The following DRC11 variants were observed in gnomAD, a reference collection of about 807,000 sequenced individuals.
DRC11 encodes dynein regulatory complex subunit 11, also known as IQ and AAA domain-containing protein 1.
At chr2:236,459,595 GTATACATA>G in the DRC11 span, among the ~76,000 whole-genome samples, 1 of 108,834 alleles carries the variant, frequency 9.2e-6, no homozygotes, top group Non-Finnish European at 2.1e-5. Context: ...ATACGTATAC[GTATACATA>G]TATACGTATA....
chr2:236,384,877 A>G, the DRC11 span, among the ~76,000 whole-genome samples: 17 of 151,990 alleles, frequency 1.1e-4, no homozygotes, highest in East Asian at 2.9e-3. Context: ...CTTTCTACAT[A>G]TGGCTAGCCA....
At chr2:236,416,721 TTATATA>T in the DRC11 span, among the ~76,000 whole-genome samples, 1,861 of 63,568 alleles carry the variant, frequency 0.029, 23 homozygotes, top group East Asian at 0.052. Flanking sequence ...ATATATATAT[TTATATA>T]TATATATATA....
the DRC11 span, among the ~76,000 whole-genome samples, chr2:236,417,413 A>G: frequency 6.6e-6 from 1 of 152,144 alleles, no homozygotes; most frequent in Non-Finnish European, 1.5e-5. Flanking sequence ...TGTGCTGGTC[A>G]GAACATCCTT....
the DRC11 span, among the ~76,000 whole-genome samples, chr2:236,446,323 G>A: frequency 1.3e-5 from 2 of 152,094 alleles, no homozygotes. This position sits in a 1 kb window ranked among gnomAD's most constrained non-coding sequence, Gnocchi z 6.2. Flanking sequence ...TCACAGACCA[G>A]TGAATGGAAA....
chr2:236,328,969 T>C, the DRC11 span, among the ~76,000 whole-genome samples: 1 of 152,248 alleles, frequency 6.6e-6, no homozygotes, highest in Non-Finnish European at 1.5e-5. The surrounding 1 kb of genome is among the most constrained non-coding windows in gnomAD (Gnocchi z 6.7). Context: ...GCTGCAGTGC[T>C]GTGTCCCTTT....
chr2:236,423,088 C>T, the DRC11 span, among the ~76,000 whole-genome samples: 3 of 150,952 alleles, frequency 2.0e-5, no homozygotes, highest in African/African-American at 4.9e-5. Flanking sequence ...GACCTAAAAC[C>T]ATAAAAACCC....
the DRC11 span, among the ~76,000 whole-genome samples, chr2:236,484,124 C>G: frequency 6.6e-6 from 1 of 152,130 alleles, no homozygotes; most frequent in East Asian, 1.9e-4. Context: ...ATTTGTTTTA[C>G]TTCTTATGTT....
the DRC11 span, among the ~76,000 whole-genome samples, chr2:236,475,108 C>T: frequency 4.6e-5 from 7 of 152,198 alleles, no homozygotes; most frequent in East Asian, 1.3e-3. The surrounding 1 kb of genome is among the most constrained non-coding windows in gnomAD (Gnocchi z 4.8). Flanking sequence ...ACCCATTAAT[C>T]AATCTCTCTT....
At chr2:236,416,451 C>A in the DRC11 span, among the ~76,000 whole-genome samples, 1 of 151,640 alleles carries the variant, frequency 6.6e-6, no homozygotes, top group Non-Finnish European at 1.5e-5. Context: ...ATCCAAGGGG[C>A]CCAACTCAGC....
the DRC11 span, among the ~76,000 whole-genome samples, chr2:236,490,198 C>T: frequency 6.6e-6 from 1 of 152,192 alleles, no homozygotes; most frequent in Admixed American, 6.5e-5. This position sits in a 1 kb window ranked among gnomAD's most constrained non-coding sequence, Gnocchi z 5.5. Flanking sequence ...TTTTTTTATG[C>T]ATGCTCATCA....
At chr2:236,469,018 T>A in the DRC11 span, among the ~76,000 whole-genome samples, 3 of 152,306 alleles carry the variant, frequency 2.0e-5, no homozygotes, top group South Asian at 6.2e-4. This position sits in a 1 kb window ranked among gnomAD's most constrained non-coding sequence, Gnocchi z 5.8. Flanking sequence ...GACTTTGATT[T>A]GTGTCTTGTC....
the DRC11 span, among the ~76,000 whole-genome samples, chr2:236,448,688 C>T: frequency 6.6e-6 from 1 of 151,896 alleles, no homozygotes; most frequent in Non-Finnish European, 1.5e-5. This position sits in a 1 kb window ranked among gnomAD's most constrained non-coding sequence, Gnocchi z 5.3. Flanking sequence ...AGGAGGAGGC[C>T]TCCGGAGGGC....
At chr2:236,494,859 G>A in the DRC11 span, among the ~76,000 whole-genome samples, 6 of 152,230 alleles carry the variant, frequency 3.9e-5, no homozygotes, top group Admixed American at 3.3e-4. This position sits in a 1 kb window ranked among gnomAD's most constrained non-coding sequence, Gnocchi z 4.2. Flanking sequence ...GGGGTGACGG[G>A]AGAGTGAACT....
At chr2:236,321,191 A>G in the DRC11 span, among the ~76,000 whole-genome samples, 2,764 of 152,236 alleles carry the variant, frequency 0.018, 100 homozygotes, top group African/African-American at 0.064. Flanking sequence ...ACCCACGAAG[A>G]CTATGTAAGG....
At chr2:236,340,304 T>A in the DRC11 span, among the ~76,000 whole-genome samples, 4 of 152,192 alleles carry the variant, frequency 2.6e-5, no homozygotes. Context: ...TTTGTATTTT[T>A]AATACAGACA....
At chr2:236,429,630 C>T in the DRC11 span, among the ~76,000 whole-genome samples, 1 of 152,096 alleles carries the variant, frequency 6.6e-6, no homozygotes, top group East Asian at 1.9e-4. The surrounding 1 kb of genome is among the most constrained non-coding windows in gnomAD (Gnocchi z 5.9). Context: ...GCTCTGGGTC[C>T]CTGGCCCAGA....
chr2:236,409,501 A>C, the DRC11 span, among the ~76,000 whole-genome samples: 1 of 152,046 alleles, frequency 6.6e-6, no homozygotes, highest in South Asian at 2.1e-4. Flanking sequence ...GCTTAAAGAG[A>C]TTTTGGGCTG....
At chr2:236,417,017 C>T in the DRC11 span, among the ~76,000 whole-genome samples, 1 of 151,428 alleles carries the variant, frequency 6.6e-6, no homozygotes, top group Non-Finnish European at 1.5e-5. Flanking sequence ...GCCTTGGCCT[C>T]CCAAAGTGCT....
chr2:236,395,570 T>C, the DRC11 span, among the ~76,000 whole-genome samples: 60 of 152,354 alleles, frequency 3.9e-4, no homozygotes, highest in South Asian at 1.0e-3. Flanking sequence ...TGCTCTTTTC[T>C]AGTAAATTTT....
Sources: allele counts gnomAD v4.1 joint callset (sites outside exome capture counted in the v4.1 genomes callset), GRCh38; gene constraint gnomAD v4.1.1; non-coding constraint Gnocchi (gnomAD v3.1); transcripts MANE v1.5; gene names NCBI Gene and HGNC (gene_info 2026-07-23, HGNC 2026-07-21).